PLTP: variants seen among roughly 807,000 people sequenced by gnomAD.
The protein encoded by PLTP is BPI fold containing family E.
PLTP carries 43 observed loss-of-function variants against 54.1 expected under a neutral mutation model. The observed-to-expected ratio is 0.79, with a 90% CI of 0.62 to 1.02. The LOEUF (loss-of-function observed/expected upper bound fraction) is 1.02. Ranked by LOEUF, PLTP falls within the 50% of genes least tolerant of loss-of-function variation. The probability of loss-of-function intolerance (pLI) is 0.00; values close to 1 mark genes in which losing one functional copy is unlikely to be tolerated. For synonymous variants in PLTP, 263 were observed against 264.6 expected (o/e 0.99, Z 0.06); for missense variants, 604 against 645.9 (o/e 0.94, Z 0.70).
At chr20:45,902,001 T>C (rs551676231) in intron 12 of PLTP, among the ~76,000 whole-genome samples, 1 of 152,336 alleles carries the variant, frequency 6.6e-6, no homozygotes, top group East Asian at 1.9e-4. Context: ...ACCCATGTTC[T>C]GATCTTTGCT....
chr20:45,899,833 C>CA lies in PLTP; in HGVS notation c.1218+2dup. 6.5e-7 allele frequency: 1 copy of CA among 1,537,962 alleles called. No individual in the cohort carries two copies. The highest frequency in any genetic ancestry group is 8.8e-7 in the Non-Finnish European group (1 of 1,136,440). On this transcript the variant is annotated splice_region_variant and intron_variant, in intron 13 of 15. Coordinates refer to ENST00000372431, the MANE Select transcript of PLTP (RefSeq NM_006227.4). ...CCCAGCCCACCCACCCTTCCCCACTCACAGCCAGCGACTCCAGTGCAGAAT... is the reference window on the plus strand; with the variant it reads ...CCCAGCCCACCCACCCTTCCCCACTCAACAGCCAGCGACTCCAGTGCAGAAT...
chr20:45,911,706 C>A (rs920294636), intron 1 of PLTP: 1 of 579,512 alleles, frequency 1.7e-6, no homozygotes, highest in African/African-American at 1.9e-5. Context: ...CCAGTTCCCT[C>A]GTGCTACCGC....
intron 12 of PLTP, among the ~76,000 whole-genome samples, chr20:45,900,178 G>A (rs887397294): frequency 5.6e-5 from 8 of 142,180 alleles, no homozygotes; most frequent in Non-Finnish European, 1.0e-4. Flanking sequence ...GCGCGATCTC[G>A]GCTCACTGCT....
At chr20:45,910,960 C>G in intron 3 of PLTP, 192 bp downstream of exon 3, 1 of 1,469,850 alleles carries the variant, frequency 6.8e-7, no homozygotes, top group South Asian at 1.4e-5. Flanking sequence ...GCCCATCTGC[C>G]TGGTCCCGCC....
Position 45,911,483 on chromosome 20 carries a change from G to A in PLTP, c.-11-20C>T. 1.2e-6 allele frequency: 2 copies of A among 1,600,040 alleles called. No homozygotes were observed. The highest frequency in any genetic ancestry group is 8.5e-7 in the Non-Finnish European group (1 of 1,179,722). On this transcript the variant is annotated intron_variant, in intron 1 of 15. Transcript: ENST00000372431. The stretch of plus-strand genomic sequence containing the variant: ...GCGGGCCTGGGGGTGGGGTGGGGTC[G>A]CAGGAGTTATCTGAGCCGCTTAAAC...
At position 45,902,280 on chromosome 20, in the gene PLTP, G is replaced by A. The variant is rs747425520; in HGVS notation, c.1162C>T (p.Leu388=). 1.2e-6 allele frequency: 2 copies of A among 1,614,008 alleles called. No homozygotes were observed. The highest frequency in any genetic ancestry group is 1.7e-5 in the Admixed American group (1 of 60,036). Residue 388 remains leucine (L), a synonymous_variant, in exon 12 of 16, where the codon CTG becomes TTG. Coordinates refer to ENST00000372431, the MANE Select transcript of PLTP (RefSeq NM_006227.4). ...ALRGKALRTQ[L]DLRRFRIYSN... Reference sequence around the variant, plus strand: ...GCGCCTGCCTACCTGCGCAGGTCCAGCTGCGTGCGCAGGGCCTTCCCCCGG... The same window carrying A: ...GCGCCTGCCTACCTGCGCAGGTCCAACTGCGTGCGCAGGGCCTTCCCCCGG...
At position 45,899,468 on chromosome 20, in the gene PLTP, G is replaced by A. The variant is rs1309384543; in HGVS notation, c.1353C>T (p.Asn451=). The A allele has an allele frequency of 6.2e-7, 1 of 1,614,062 alleles. No individual in the cohort carries two copies. Among genetic ancestry groups the A allele is most frequent in the African/African-American group, 1.3e-5 (1 of 75,012 alleles). ...GINFVHEVVT[N]HAGFLTIGAD... Reference sequence around the variant, plus strand: ...CCATCCTGCCCCCACTCACCGCATGGTTCGTCACCACCTCATGCACAAAGT... The same window carrying A: ...CCATCCTGCCCCCACTCACCGCATGATTCGTCACCACCTCATGCACAAAGT... Residue 451 remains asparagine (N), a synonymous_variant, in exon 15 of 16, where the codon AAC becomes AAT. Coordinates refer to ENST00000372431, the MANE Select transcript of PLTP (RefSeq NM_006227.4).
At chr20:45,911,602 T>TCCACATCTG in intron 1 of PLTP, 139 bp from the exon 2 acceptor site, 2 of 1,164,178 alleles carry the variant, frequency 1.7e-6, no homozygotes, top group Non-Finnish European at 2.4e-6. Context: ...TAATCTTGCC[T>TCCACATCTG]CCATATGGCA....
intron 12 of PLTP, among the ~76,000 whole-genome samples, chr20:45,900,699 TA>T (rs1568770858): frequency 2.0e-5 from 3 of 151,986 alleles, no homozygotes. Context: ...AACTAACTTT[TA>T]AATTTTTTTG....
intron 12 of PLTP, among the ~76,000 whole-genome samples, chr20:45,902,064 C>T (rs1195518673): frequency 2.0e-5 from 3 of 152,214 alleles, no homozygotes; most frequent in Non-Finnish European, 4.4e-5. Flanking sequence ...GTTCATCTCT[C>T]ATAATACCTG....
At chr20:45,908,103 T>A (rs2083258167) in intron 5 of PLTP, among the ~76,000 whole-genome samples, 199 bp from the exon 6 acceptor site, 1 of 152,082 alleles carries the variant, frequency 6.6e-6, no homozygotes, top group Non-Finnish European at 1.5e-5. Flanking sequence ...CCTGACCTAC[T>A]CTCTGGTCCC....
chr20:45,902,416 C>T (rs1210608456), intron 11 of PLTP, 24 bp downstream of exon 11: 2 of 1,614,084 alleles, frequency 1.2e-6, no homozygotes, highest in South Asian at 1.1e-5. Flanking sequence ...CCCCAGCCAG[C>T]AGCCCCCACT....
At position 45,907,835 on chromosome 20, in the gene PLTP, C is replaced by T; in HGVS notation, c.549+6G>A. ...TTGCCACCCTGCGACCTGTCGCTGCCCACACCTGCTGGTTGAGGAGGAAGC... is the reference window on the plus strand; with the variant it reads ...TTGCCACCCTGCGACCTGTCGCTGCTCACACCTGCTGGTTGAGGAGGAAGC... On this transcript the variant is annotated splice_donor_region_variant and intron_variant, in intron 6 of 15. Coordinates refer to ENST00000372431, the MANE Select transcript of PLTP (RefSeq NM_006227.4). The T allele has an allele frequency of 1.2e-6, 2 of 1,603,048 alleles. No homozygotes were observed. The highest frequency in any genetic ancestry group is 1.7e-6 in the Non-Finnish European group (2 of 1,175,458).
chr20:45,909,660 C>G lies in PLTP; in HGVS notation c.341G>C (p.Gly114Ala). 1 of 1,614,106 alleles carries G rather than the reference C, an allele frequency of 6.2e-7. No individual in the cohort carries two copies. Among genetic ancestry groups the G allele is most frequent in the Non-Finnish European group, 8.5e-7 (1 of 1,179,996 alleles). The change falls in exon 5 of 16, where the codon GGC becomes GCC. Residue 114 changes from glycine (G) to alanine (A), a missense_variant. Gly to Ala is a moderately conservative substitution (Grantham distance 60). Transcript: ENST00000372431. ...QLLYWFFYDGGYINASAEGVS... is the reference protein window; with the variant it reads ...QLLYWFFYDGAYINASAEGVS... ...ACCCTCAGCTGAGGCGTTGATGTAG[C>G]CCCCATCATAGCTGCCAGGGGGGTT...
At chr20:45,905,920 A>G (rs1334320310) in intron 8 of PLTP, among the ~76,000 whole-genome samples, 2 of 152,196 alleles carry the variant, frequency 1.3e-5, no homozygotes, top group African/African-American at 2.4e-5. Context: ...AGAGAATGAA[A>G]TGAGATTATT....
Position 45,909,502 on chromosome 20 carries a change from G to A in PLTP, c.485+14C>T, listed in dbSNP as rs2083269822. The A allele has an allele frequency of 6.2e-7, 1 of 1,613,870 alleles. No individual in the cohort carries two copies. Among genetic ancestry groups the A allele is most frequent in the Non-Finnish European group, 8.5e-7 (1 of 1,179,904 alleles). On this transcript the variant is annotated intron_variant, in intron 5 of 15. Coordinates refer to ENST00000372431, the MANE Select transcript of PLTP (RefSeq NM_006227.4). ...GCTCGAAAAGGGTGAGCTGGGGTTG[G>A]GGCTGGGGCTTACTTGAAGGTTCCC...
At chr20:45,899,367 G>A (rs1200498922) in intron 15 of PLTP, 95 bp downstream of exon 15, 2 of 1,308,626 alleles carry the variant, frequency 1.5e-6, no homozygotes, top group African/African-American at 1.5e-5. Context: ...GGGGCGACTG[G>A]TAATGGGGGA....
intron 12 of PLTP, among the ~76,000 whole-genome samples, chr20:45,901,667 C>T (rs997825860): frequency 3.3e-5 from 5 of 151,936 alleles, no homozygotes; most frequent in African/African-American, 7.3e-5. Flanking sequence ...TTTGGGAGGC[C>T]GGGGCAGGTG....
chr20:45,902,205 T>A, intron 12 of PLTP, 62 bp downstream of exon 12: 1 of 1,549,302 alleles, frequency 6.5e-7, no homozygotes. Context: ...AAGCGCAACA[T>A]CCCTGTGGAC....
Sources: allele counts gnomAD v4.1 joint callset (sites outside exome capture counted in the v4.1 genomes callset), GRCh38; gene constraint gnomAD v4.1.1; transcripts MANE v1.5; gene names NCBI Gene and HGNC (gene_info 2026-07-23, HGNC 2026-07-21).